PTPRK: variants seen among roughly 807,000 people sequenced by gnomAD.
The protein encoded by PTPRK is protein tyrosine phosphatase receptor type K.
PTPRK carries 75 observed loss-of-function variants against 178.0 expected under a neutral mutation model. The ratio of observed to expected loss-of-function variants is 0.42; its 90% confidence interval spans 0.35 to 0.51. The LOEUF is 0.51. PTPRK is among the 20% of genes least tolerant of loss of function. The pLI, the probability that PTPRK is intolerant of heterozygous loss-of-function variation, is 0.02. For missense variants in PTPRK, 1,441 were observed against 1,797.8 expected (o/e 0.80, Z 3.59); for synonymous variants, 637 against 620.6 (o/e 1.03, Z -0.39).
chr6:128,475,848 C>T (rs1302188093), intron 1 of PTPRK, among the ~76,000 whole-genome samples: 1 of 151,956 alleles, frequency 6.6e-6, no homozygotes, highest in Non-Finnish European at 1.5e-5. Flanking sequence ...GGAGAAAAAG[C>T]AGGAAGCACT....
chr6:128,261,039 T>C (rs1685527218), intron 3 of PTPRK, among the ~76,000 whole-genome samples: 1 of 152,182 alleles, frequency 6.6e-6, no homozygotes, highest in Non-Finnish European at 1.5e-5. Context: ...GTTTCTGTTT[T>C]ACCCCTCTTG....
At chr6:128,032,587 G>A (rs1320915034) in intron 13 of PTPRK, among the ~76,000 whole-genome samples, 1 of 152,116 alleles carries the variant, frequency 6.6e-6, no homozygotes, top group Non-Finnish European at 1.5e-5. Context: ...GATATAAAAA[G>A]TCAAGTAAAC....
intron 3 of PTPRK, among the ~76,000 whole-genome samples, chr6:128,292,846 G>A (rs760145680): frequency 1.1e-4 from 16 of 151,884 alleles, no homozygotes; most frequent in African/African-American, 2.4e-4. Flanking sequence ...CTAGACAAGC[G>A]CAACAGCTGT....
In PTPRK at chr6:128,428,742, A is replaced by T. The variant is rs185785441; in HGVS notation, c.101-31054T>A. 3.9e-5 allele frequency among the ~76,000 whole-genome samples: 6 copies of T among 152,354 alleles called. 1 individual carries two copies. The highest frequency in any genetic ancestry group is 3.9e-4 in the Admixed American group (6 of 15,304). ...GGGGTCCCCAACCTATGATGGATTG[A>T]CTTGCAATTTTTCTACTTAACAATG... is the stretch of plus-strand genomic sequence containing the variant. On this transcript the variant is annotated intron_variant, in intron 1 of 29. Transcript: ENST00000368226.
intron 3 of PTPRK, among the ~76,000 whole-genome samples, chr6:128,255,744 A>C (rs1326516708): frequency 6.6e-6 from 1 of 152,220 alleles, no homozygotes; most frequent in African/African-American, 2.4e-5. Context: ...ACTTCTTGGA[A>C]ACTCTGTGGG....
At chr6:128,316,284 C>A (rs1239654506) in intron 3 of PTPRK, among the ~76,000 whole-genome samples, 1 of 152,320 alleles carries the variant, frequency 6.6e-6, no homozygotes, top group East Asian at 1.9e-4. Flanking sequence ...TAGCATCTGT[C>A]TTCCTCATTC....
At chr6:128,136,342 AG>A (rs1036260129) in intron 7 of PTPRK, among the ~76,000 whole-genome samples, 1 of 152,228 alleles carries the variant, frequency 6.6e-6, no homozygotes, top group African/African-American at 2.4e-5. Context: ...CATTACATAT[AG>A]GGATTAAGGT....
intron 1 of PTPRK, among the ~76,000 whole-genome samples, chr6:128,464,310 G>T (rs898252286): frequency 4.0e-5 from 6 of 151,856 alleles, no homozygotes; most frequent in Admixed American, 2.0e-4. Flanking sequence ...AAGAAAATAT[G>T]AAGACATAAA....
At chr6:128,412,295 G>A (rs1842396236) in intron 1 of PTPRK, among the ~76,000 whole-genome samples, 3 of 152,310 alleles carry the variant, frequency 2.0e-5, no homozygotes, top group African/African-American at 7.2e-5. Context: ...CCACACCTTG[G>A]TGGGGGGTAC....
chr6:128,398,953 ATATT>A (rs1208528851), intron 1 of PTPRK, among the ~76,000 whole-genome samples: 2 of 152,224 alleles, frequency 1.3e-5, no homozygotes, highest in Non-Finnish European at 2.9e-5. Context: ...ACGACTCAAC[ATATT>A]TAGTTTATTC....
chr6:128,409,180 A>G (rs1842020118), intron 1 of PTPRK: 2 of 324,578 alleles, frequency 6.2e-6, no homozygotes, highest in Non-Finnish European at 1.2e-5. Flanking sequence ...ATGATAAGCT[A>G]TCCAAGAAAA....
At chr6:127,973,879 A>G in intron 27 of PTPRK, 52 bp from the exon 28 acceptor site, 1 of 1,541,636 alleles carries the variant, frequency 6.5e-7, no homozygotes, top group South Asian at 1.2e-5. Context: ...AATTTTTACT[A>G]AAAAGTAAAA....
Position 128,467,397 on chromosome 6 carries a change from G to A in PTPRK, c.100+52862C>T, listed in dbSNP as rs575760555. On this transcript the variant is annotated intron_variant, in intron 1 of 29. Coordinates refer to ENST00000368226, the MANE Select transcript of PTPRK (RefSeq NM_002844.4). ...AAGAAAGTAAACCCTGCACATAGAT[G>A]AGAATTCTACAAAATAGCAAATGTT... 1.4e-4 allele frequency among the ~76,000 whole-genome samples: 21 copies of A among 152,284 alleles called. No homozygotes were observed. The East Asian group carries it at 3.5e-3, about 25-fold the overall frequency.
At chr6:128,403,779 A>G (rs1301187052) in intron 1 of PTPRK, among the ~76,000 whole-genome samples, 1 of 152,204 alleles carries the variant, frequency 6.6e-6, no homozygotes, top group Non-Finnish European at 1.5e-5. Flanking sequence ...AACCAGTTTT[A>G]CCTGAACACT....
intron 3 of PTPRK, among the ~76,000 whole-genome samples, chr6:128,291,969 A>C (rs2128307325): frequency 6.6e-6 from 1 of 152,244 alleles, no homozygotes; most frequent in South Asian, 2.1e-4. Context: ...CAGTTTTAGA[A>C]GTTCACGCTA....
intron 25 of PTPRK, among the ~76,000 whole-genome samples, chr6:127,978,163 T>C (rs1774831779): frequency 6.6e-6 from 1 of 152,184 alleles, no homozygotes; most frequent in African/African-American, 2.4e-5. Flanking sequence ...CTCAAAACCT[T>C]ACCAAGTTAC....
At chr6:128,298,679 C>T (rs1824953761) in intron 3 of PTPRK, among the ~76,000 whole-genome samples, 1 of 152,062 alleles carries the variant, frequency 6.6e-6, no homozygotes, top group Admixed American at 6.5e-5. Flanking sequence ...ACCCTTCATG[C>T]TAAAAACTCT....
rs529616741 is a variant in PTPRK at position 128,320,318 on chromosome 6, T to C, written c.495+1721A>G. 1.1e-4 allele frequency among the ~76,000 whole-genome samples: 17 copies of C among 152,302 alleles called. No individual in the cohort carries two copies. The Middle Eastern group carries it at 0.01, about 91-fold the overall frequency. The stretch of plus-strand genomic sequence containing the variant: ...GTTATTAACATCAATGATTCAAAGA[T>C]AGATCTTTAACAACTTAGAAAAAAT... On this transcript the variant is annotated intron_variant, in intron 3 of 29. Coordinates refer to ENST00000368226, the MANE Select transcript of PTPRK (RefSeq NM_002844.4).
chr6:128,122,332 C>T (rs952341709), intron 7 of PTPRK, among the ~76,000 whole-genome samples: 2 of 151,978 alleles, frequency 1.3e-5, no homozygotes, highest in South Asian at 4.1e-4. Context: ...CAGAGAGAAA[C>T]ATTTAATAGA....
Sources: allele counts gnomAD v4.1 joint callset (sites outside exome capture counted in the v4.1 genomes callset), GRCh38; gene constraint gnomAD v4.1.1; transcripts MANE v1.5; gene names NCBI Gene and HGNC (gene_info 2026-07-23, HGNC 2026-07-21).